Variants in PALLD observed in about 807,000 individuals in gnomAD.
The protein encoded by PALLD is palladin.
PALLD carries 61 observed loss-of-function variants against 123.5 expected under a neutral mutation model. The ratio of observed to expected loss-of-function variants is 0.49; its 90% CI spans 0.40 to 0.61. The LOEUF is 0.61. Ranked by LOEUF, PALLD falls within the 20% of genes least tolerant of loss-of-function variation. The pLI is 0.00. For missense variants in PALLD, 1,273 were observed against 1,377.0 expected (o/e 0.92, Z 1.20); for synonymous variants, 465 against 496.4 (o/e 0.94, Z 0.84).
intron 10 of PALLD, among the ~76,000 whole-genome samples, chr4:168,744,129 C>A (rs929915257): frequency 6.6e-6 from 1 of 152,140 alleles, no homozygotes; most frequent in East Asian, 1.9e-4. Context: ...CACTCTGGGG[C>A]AGTCACTTCA....
At chr4:168,497,608 A>C (rs1760885858) in intron 1 of PALLD, among the ~76,000 whole-genome samples, 1 of 152,268 alleles carries the variant, frequency 6.6e-6, no homozygotes, top group African/African-American at 2.4e-5. Context: ...GATGGCTTAA[A>C]GTGATAGACC....
At chr4:168,840,203 A>G (rs1274959427) in intron 10 of PALLD, among the ~76,000 whole-genome samples, 1 of 152,178 alleles carries the variant, frequency 6.6e-6, no homozygotes, top group Non-Finnish European at 1.5e-5. Flanking sequence ...TTTGTTATGT[A>G]ACAGAGAACG....
chr4:168,757,637 G>A (rs1251804421), intron 10 of PALLD, among the ~76,000 whole-genome samples: 2 of 149,986 alleles, frequency 1.3e-5, no homozygotes, highest in Non-Finnish European at 3.0e-5. Flanking sequence ...CATGGCCAGA[G>A]GGCCACAACA....
chr4:168,634,926 CCT>C (rs1471626791), intron 2 of PALLD, among the ~76,000 whole-genome samples: 1 of 151,984 alleles, frequency 6.6e-6, no homozygotes, highest in African/African-American at 2.4e-5. Flanking sequence ...ATATGCTTGA[CCT>C]CTCCATTATT....
chr4:168,505,720 A>G (rs911242970), intron 1 of PALLD, among the ~76,000 whole-genome samples: 8 of 152,246 alleles, frequency 5.3e-5, no homozygotes, highest in African/African-American at 1.7e-4. Context: ...AATAATCTAC[A>G]TGATGACTCT....
intron 14 of PALLD, 38 bp from the exon 15 acceptor site, chr4:168,903,719 A>C (rs761498636): frequency 1.3e-6 from 2 of 1,553,576 alleles, no homozygotes; most frequent in Non-Finnish European, 1.8e-6. Flanking sequence ...GTAGGAATAC[A>C]CAAACTCCTA....
chr4:168,565,200 C>CA (rs1768253428), intron 2 of PALLD, among the ~76,000 whole-genome samples: 1 of 149,310 alleles, frequency 6.7e-6, no homozygotes, highest in African/African-American at 2.5e-5. Context: ...TAGTCTTTCA[C>CA]TTTTTTTTTT....
intron 6 of PALLD, among the ~76,000 whole-genome samples, chr4:168,685,810 GAAAAAAAAAA>G (rs70961550): frequency 1.4e-4 from 9 of 65,634 alleles, no homozygotes; most frequent in African/African-American, 3.5e-4. Flanking sequence ...AAGACAGATA[GAAAAAAAAAA>G]AAAAAAAAAA....
At chr4:168,768,150 A>G (rs999303603) in intron 10 of PALLD, among the ~76,000 whole-genome samples, 4 of 152,054 alleles carry the variant, frequency 2.6e-5, no homozygotes, top group Admixed American at 6.6e-5. Context: ...CGGTTCTTTT[A>G]TCTATATTTC....
At chr4:168,821,564 A>T (rs1742715275) in intron 10 of PALLD, among the ~76,000 whole-genome samples, 1 of 152,212 alleles carries the variant, frequency 6.6e-6, no homozygotes, top group Non-Finnish European at 1.5e-5. Context: ...TTGAAGAATT[A>T]GATGAATATA....
intron 10 of PALLD, among the ~76,000 whole-genome samples, chr4:168,771,388 G>A (rs1415219947): frequency 6.6e-6 from 1 of 152,124 alleles, no homozygotes; most frequent in African/African-American, 2.4e-5. Context: ...CTTCAAAAAT[G>A]CACAGTTGTT....
chr4:168,676,272 AAC>A (rs1780823204), intron 3 of PALLD, among the ~76,000 whole-genome samples: 1 of 152,034 alleles, frequency 6.6e-6, no homozygotes, highest in Non-Finnish European at 1.5e-5. Flanking sequence ...GTAGTTGTTC[AAC>A]ATTTATAAAG....
chr4:168,821,866 C>G (rs1448706120), intron 10 of PALLD, among the ~76,000 whole-genome samples: 1 of 100,224 alleles, frequency 1.0e-5, no homozygotes, highest in Non-Finnish European at 1.9e-5. Context: ...GGCAACAGAG[C>G]AAAACGCTGT....
intron 10 of PALLD, among the ~76,000 whole-genome samples, chr4:168,880,942 C>T (rs567168154): frequency 6.8e-4 from 104 of 152,196 alleles, no homozygotes; most frequent in Non-Finnish European, 1.3e-3. Flanking sequence ...CAGTCTTGTT[C>T]TGTTGTCCAG....
chr4:168,895,597 C>T (rs189437267), intron 12 of PALLD, among the ~76,000 whole-genome samples: 1 of 152,244 alleles, frequency 6.6e-6, no homozygotes, highest in East Asian at 1.9e-4. Flanking sequence ...ATTTACAATT[C>T]ATTAAGTGGA....
At chr4:168,792,732 A>C (rs1275618531) in intron 10 of PALLD, among the ~76,000 whole-genome samples, 1 of 152,116 alleles carries the variant, frequency 6.6e-6, no homozygotes, top group African/African-American at 2.4e-5. Flanking sequence ...TGAATCCAGC[A>C]GATAAATTCT....
chr4:168,663,641 G>A (rs80079649), intron 2 of PALLD, among the ~76,000 whole-genome samples: 8,625 of 152,238 alleles, frequency 0.057, 345 homozygotes, highest in Admixed American at 0.1. Context: ...TGCAGGGTCA[G>A]CAATGTCCTA....
intron 2 of PALLD, among the ~76,000 whole-genome samples, chr4:168,569,300 T>C (rs1043444886): frequency 6.6e-6 from 1 of 152,134 alleles, no homozygotes. Flanking sequence ...ACTGAGATAG[T>C]GCCGTGGAAT....
At chr4:168,854,134 C>CAG (rs1748220604) in intron 10 of PALLD, among the ~76,000 whole-genome samples, 1 of 151,622 alleles carries the variant, frequency 6.6e-6, no homozygotes, top group African/African-American at 2.4e-5. Context: ...TAAATGTTTG[C>CAG]TACTACTGCC....
Sources: gnomAD v4.1 joint callset for allele counts (sites outside exome capture counted in the v4.1 genomes callset) on GRCh38, gnomAD v4.1.1 for gene constraint, MANE v1.5 for transcripts, NCBI Gene and HGNC (gene_info 2026-07-23, HGNC 2026-07-21) for gene names.